The following AKAP19 variants were observed in gnomAD, a reference collection of about 807,000 sequenced individuals.
AKAP19 encodes small A-kinase anchoring protein.
the AKAP19 span, among the ~76,000 whole-genome samples, chr2:190,046,538 T>A: frequency 1.3e-5 from 2 of 152,160 alleles, no homozygotes; most frequent in African/African-American, 4.8e-5. Flanking sequence ...TGGGAAAAAA[T>A]ACATCTTTAT....
At chr2:189,981,393 T>C in the AKAP19 span, among the ~76,000 whole-genome samples, 3 of 152,054 alleles carry the variant, frequency 2.0e-5, no homozygotes, top group African/African-American at 7.3e-5. Flanking sequence ...AGCCTGTGGG[T>C]GTCATTACAT....
the AKAP19 span, among the ~76,000 whole-genome samples, chr2:190,044,879 G>A: frequency 6.6e-6 from 1 of 152,214 alleles, no homozygotes; most frequent in Non-Finnish European, 1.5e-5. Context: ...AAAGGCACCT[G>A]TAGGAGGTCA....
the AKAP19 span, among the ~76,000 whole-genome samples, chr2:190,178,988 C>A: frequency 6.6e-6 from 1 of 152,178 alleles, no homozygotes; most frequent in Admixed American, 6.5e-5. This position sits in a 1 kb window ranked among gnomAD's most constrained non-coding sequence, Gnocchi z 6.3. Flanking sequence ...AATTACATAA[C>A]TTAAGTGAAG....
the AKAP19 span, among the ~76,000 whole-genome samples, chr2:189,920,811 C>T: frequency 6.6e-6 from 1 of 152,104 alleles, no homozygotes; most frequent in Non-Finnish European, 1.5e-5. Flanking sequence ...TCTTGGAACC[C>T]AGTTCTCAGC....
the AKAP19 span, among the ~76,000 whole-genome samples, chr2:189,977,040 T>G: frequency 6.6e-6 from 1 of 152,278 alleles, no homozygotes; most frequent in South Asian, 2.1e-4. Flanking sequence ...CAGTTGGAAA[T>G]GCAGAAATCA....
At chr2:189,890,812 C>T in the AKAP19 span, among the ~76,000 whole-genome samples, 1 of 152,152 alleles carries the variant, frequency 6.6e-6, no homozygotes, top group African/African-American at 2.4e-5. Flanking sequence ...CTATATGTGT[C>T]TCTGCACATG....
the AKAP19 span, among the ~76,000 whole-genome samples, chr2:190,091,711 T>C: frequency 3.9e-5 from 6 of 152,152 alleles, no homozygotes; most frequent in African/African-American, 1.4e-4. Flanking sequence ...ATCCCTGTGA[T>C]CCCTTTCAAC....
chr2:190,072,824 C>T, the AKAP19 span, among the ~76,000 whole-genome samples: 1 of 152,000 alleles, frequency 6.6e-6, no homozygotes, highest in Non-Finnish European at 1.5e-5. Flanking sequence ...CGTTACATAC[C>T]AAAACTTATA....
chr2:189,890,884 T>C, the AKAP19 span, among the ~76,000 whole-genome samples: 1 of 152,212 alleles, frequency 6.6e-6, no homozygotes, highest in Non-Finnish European at 1.5e-5. Context: ...TGCCAATCTG[T>C]GTCTTTTAAT....
At chr2:190,146,221 T>C in the AKAP19 span, among the ~76,000 whole-genome samples, 1 of 152,154 alleles carries the variant, frequency 6.6e-6, no homozygotes, top group African/African-American at 2.4e-5. Flanking sequence ...CCTCATAGCT[T>C]AGCTCCCAAA....
the AKAP19 span, among the ~76,000 whole-genome samples, chr2:190,101,888 A>T: frequency 6.6e-6 from 1 of 152,080 alleles, no homozygotes; most frequent in South Asian, 2.1e-4. Flanking sequence ...TCAACCACAG[A>T]ATATATATAT....
chr2:190,161,086 T>C, the AKAP19 span, among the ~76,000 whole-genome samples: 72,117 of 151,500 alleles, frequency 0.48, 18,824 homozygotes, highest in East Asian at 0.83. Context: ...AGTTTCAACA[T>C]AGTTCTCTGG....
At chr2:190,054,401 A>T in the AKAP19 span, among the ~76,000 whole-genome samples, 1 of 152,188 alleles carries the variant, frequency 6.6e-6, no homozygotes, top group African/African-American at 2.4e-5. Flanking sequence ...AAGAAAATCT[A>T]GGCAATATCA....
At chr2:189,969,107 C>T in the AKAP19 span, among the ~76,000 whole-genome samples, 2 of 152,104 alleles carry the variant, frequency 1.3e-5, no homozygotes, top group African/African-American at 4.8e-5. Context: ...TGCCTTTTTA[C>T]TTTCTTGCCC....
the AKAP19 span, among the ~76,000 whole-genome samples, chr2:190,129,982 G>A: frequency 6.6e-6 from 1 of 152,070 alleles, no homozygotes; most frequent in African/African-American, 2.4e-5. Context: ...ATTTTACTAT[G>A]TTTATTCATT....
the AKAP19 span, among the ~76,000 whole-genome samples, chr2:190,151,542 G>T: frequency 1.3e-5 from 2 of 152,150 alleles, no homozygotes; most frequent in African/African-American, 4.8e-5. Context: ...ACATGCTCTA[G>T]TTCCTTTTTA....
chr2:189,946,496 G>A, the AKAP19 span, among the ~76,000 whole-genome samples: 1 of 152,194 alleles, frequency 6.6e-6, no homozygotes, highest in South Asian at 2.1e-4. Context: ...TTAAAAACAA[G>A]TATATTTAAG....
chr2:189,893,739 G>A, the AKAP19 span, among the ~76,000 whole-genome samples: 4 of 152,176 alleles, frequency 2.6e-5, no homozygotes, highest in South Asian at 2.1e-4. Flanking sequence ...TTCTGCATTC[G>A]TAAGTTCAAC....
At chr2:189,976,782 C>T in the AKAP19 span, among the ~76,000 whole-genome samples, 91 of 152,258 alleles carry the variant, frequency 6.0e-4, no homozygotes, top group African/African-American at 2.0e-3. Context: ...GAGCCAGGTG[C>T]GGAATATAAT....
Sources: allele counts gnomAD v4.1 joint callset (sites outside exome capture counted in the v4.1 genomes callset), GRCh38; gene constraint gnomAD v4.1.1; non-coding constraint Gnocchi (gnomAD v3.1); transcripts MANE v1.5; gene names NCBI Gene and HGNC (gene_info 2026-07-23, HGNC 2026-07-21).